DNAJA2: variants seen among roughly 807,000 people sequenced by gnomAD.
DNAJA2 encodes DnaJ heat shock protein family (Hsp40) member A2, also known as dnaJ homolog subfamily A member 2.
A neutral mutation model predicts 49.3 loss-of-function variants in DNAJA2; 6 were observed. The ratio of observed to expected loss-of-function variants is 0.12; its 90% CI spans 0.07 to 0.24. The LOEUF (loss-of-function observed/expected upper bound fraction) is 0.24. DNAJA2 is among the 10% of genes least tolerant of loss of function. The pLI is 1.00. For missense variants in DNAJA2, 347 were observed against 516.8 expected, an observed-to-expected ratio of 0.67 and a Z score of 3.19; for synonymous variants, 160 against 172.7, an observed-to-expected ratio of 0.93 and a Z score of 0.58.
intron 5 of DNAJA2, among the ~76,000 whole-genome samples, chr16:46,965,166 T>C (rs1961951408): frequency 6.6e-6 from 1 of 152,084 alleles, no homozygotes; most frequent in South Asian, 2.1e-4. Context: ...GTTATAATCA[T>C]GCCACTGCAC....
Position 46,959,271 on chromosome 16 carries a change from T to C in DNAJA2, c.919+4A>G. The C allele has an allele frequency of 6.2e-7, 1 of 1,607,952 alleles. No individual in the cohort carries two copies. Among genetic ancestry groups the C allele is most frequent in the South Asian group, 1.1e-5 (1 of 89,796 alleles). On this transcript the variant is annotated splice_donor_region_variant and intron_variant, in intron 7 of 8. Transcript: ENST00000317089. ...AACCAGAATCGGACAAAATCAAGAT[T>C]TACCTGGTTCAATTACTTTGCCAGG... is the stretch of plus-strand genomic sequence containing the variant.
chr16:46,960,826 A>G (rs1961886391), intron 6 of DNAJA2, among the ~76,000 whole-genome samples: 1 of 151,744 alleles, frequency 6.6e-6, no homozygotes, highest in Non-Finnish European at 1.5e-5. Context: ...ATAGGGTCAG[A>G]GCTTTGGGAG....
In DNAJA2 at chr16:46,967,566, G is replaced by A; in HGVS notation, c.524C>T (p.Ala175Val). 1 of 1,614,142 alleles carries A rather than the reference G, an allele frequency of 6.2e-7. No homozygotes were observed. Among genetic ancestry groups the A allele is most frequent in the East Asian group, 2.2e-5 (1 of 44,878 alleles). ...CTGCATCTGTTGTACCATCCCTGGA[G>A]CCAGCTGTCTGATCATGATGCGCAC... ...RGVRIMIRQL[A>V]PGMVQQMQSV... Residue 175 changes from alanine to valine, a missense_variant, in exon 5 of 9, where the codon GCT becomes GTT. Coordinates refer to ENST00000317089, the MANE Select transcript of DNAJA2 (RefSeq NM_005880.4).
Position 46,967,659 on chromosome 16 carries a change from C to G in DNAJA2, c.444-13G>C. Reference sequence around the variant, plus strand: ...CTTTCCGCCTTGGCTAAAGCAAGCACAAGTTATGCATTAGGTTTTTGTCCA... The same window carrying G: ...CTTTCCGCCTTGGCTAAAGCAAGCAGAAGTTATGCATTAGGTTTTTGTCCA... On this transcript the variant is annotated splice_polypyrimidine_tract_variant and intron_variant, in intron 4 of 8. Transcript: ENST00000317089. The G allele has an allele frequency of 1.2e-6, 2 of 1,614,120 alleles. No individual in the cohort carries two copies. Among genetic ancestry groups the G allele is most frequent in the Non-Finnish European group, 1.7e-6 (2 of 1,180,002 alleles).
At chr16:46,971,860 A>T (rs773103795) in intron 2 of DNAJA2, 36 bp downstream of exon 2, 13 of 1,572,522 alleles carry the variant, frequency 8.3e-6, no homozygotes, top group Non-Finnish European at 9.6e-6. Flanking sequence ...AGTTAAAGCT[A>T]AAACCCCCGG....
rs1192282750 is a variant in DNAJA2 at position 46,956,166 on chromosome 16, T to C, written c.*863A>G. On this transcript the variant is annotated 3_prime_UTR_variant, in exon 9 of 9. Coordinates refer to ENST00000317089, the MANE Select transcript of DNAJA2 (RefSeq NM_005880.4). ...ACAGAAGTCAGGCTAGCCCAGTGCTTGGGAGTTACAGCACTCAAGACACCC... is the reference window on the plus strand; with the variant it reads ...ACAGAAGTCAGGCTAGCCCAGTGCTCGGGAGTTACAGCACTCAAGACACCC... The C allele has an allele frequency of 1.3e-5, 2 of 152,062 alleles. No individual in the cohort carries two copies. The highest frequency in any genetic ancestry group is 2.1e-4 in the South Asian group (1 of 4,828). The allele number at this position is 152,062 out of a possible 1,614,324, so 9.4% of individuals were successfully genotyped here. A position where few individuals can be genotyped will look rare whatever the true frequency, so the allele number is the denominator to read the frequency against.
chr16:46,968,040 A>G (rs758379308), intron 4 of DNAJA2, 44 bp downstream of exon 4: 1 of 1,497,930 alleles, frequency 6.7e-7, no homozygotes, highest in Admixed American at 2.2e-5. Context: ...TGATACTTAA[A>G]AGAACAGACA....
intron 5 of DNAJA2, among the ~76,000 whole-genome samples, chr16:46,965,324 T>C (rs1961953474): frequency 6.6e-6 from 1 of 152,292 alleles, no homozygotes; most frequent in East Asian, 1.9e-4. Flanking sequence ...ATCCATACCA[T>C]GTTTAGGGCA....
At position 46,956,465 on chromosome 16, in the gene DNAJA2, A is replaced by G. The variant is rs1160421885; in HGVS notation, c.*564T>C. On this transcript the variant is annotated 3_prime_UTR_variant, in exon 9 of 9. Coordinates refer to ENST00000317089, the MANE Select transcript of DNAJA2 (RefSeq NM_005880.4). ...AAAAAAAAAAAAAGAAAAAAGAAAA[A>G]AAAAACAAAACCAAAAACAAAAAAA... The G allele has an allele frequency of 1.3e-5, 2 of 152,370 alleles. No homozygotes were observed. The highest frequency in any genetic ancestry group is 2.9e-5 in the Non-Finnish European group (2 of 67,978). The allele number at this position is 152,370 out of a possible 1,614,324, so 9.4% of individuals were successfully genotyped here.
At position 46,969,939 on chromosome 16, in the gene DNAJA2, T is replaced by A. The variant is rs537295123; in HGVS notation, c.362+1410A>T. Among the ~76,000 whole-genome samples, 178 of 152,310 alleles carry A rather than the reference T, an allele frequency of 1.2e-3. 2 individuals are homozygous for A. Among genetic ancestry groups the A allele is most frequent in the African/African-American group, 4.1e-3 (170 of 41,574 alleles). On this transcript the variant is annotated intron_variant, in intron 3 of 8. Coordinates refer to ENST00000317089, the MANE Select transcript of DNAJA2 (RefSeq NM_005880.4). ...AAAGAAAAATATAAACGAATTAACC[T>A]GCACTGCACAAATATTACCATTGGA...
chr16:46,957,227 T>A lies in DNAJA2; in HGVS notation c.1048-7A>T. On this transcript the variant is annotated splice_region_variant and splice_polypyrimidine_tract_variant and intron_variant, in intron 8 of 8. Transcript: ENST00000317089. ...GCAGAAGATCTTCTAGTTCCTTTAT[T>A]AAAACAAACAAAAACCAGGTTGGTT... 6.4e-7 allele frequency: 1 copy of A among 1,571,202 alleles called. No individual in the cohort carries two copies. Among genetic ancestry groups the A allele is most frequent in the Admixed American group, 2.0e-5 (1 of 49,752 alleles).
chr16:46,973,353 C>T, intron 1 of DNAJA2, 142 bp downstream of exon 1: 6 of 662,238 alleles, frequency 9.1e-6, no homozygotes, highest in Non-Finnish European at 1.0e-5. Context: ...CCGGTCCCGC[C>T]GCCGCCGCCG....
intron 6 of DNAJA2, 139 bp downstream of exon 6, chr16:46,964,472 G>A (rs12925077): frequency 0.05 from 37,101 of 745,126 alleles, 1,081 homozygotes; most frequent in Middle Eastern, 0.058. Context: ...GCCCGTCTTA[G>A]GAACTCACCA....
intron 3 of DNAJA2, among the ~76,000 whole-genome samples, chr16:46,969,138 C>T (rs917026533): frequency 6.6e-6 from 1 of 152,116 alleles, no homozygotes; most frequent in African/African-American, 2.4e-5. Context: ...TAATGGTCAT[C>T]CCGTAATGAT....
chr16:46,973,608 C>A lies in DNAJA2; in HGVS notation c.-36G>T. On this transcript the variant is annotated 5_prime_UTR_variant, in exon 1 of 9. Transcript: ENST00000317089. ...CGGGCAGTGCTCGGGGAGAAGGTGGCGAAGCAGACAGAGCGGAGTCGGGCC... is the reference window on the plus strand; with the variant it reads ...CGGGCAGTGCTCGGGGAGAAGGTGGAGAAGCAGACAGAGCGGAGTCGGGCC... The A allele has an allele frequency of 6.3e-7, 1 of 1,582,806 alleles. No individual in the cohort carries two copies. The highest frequency in any genetic ancestry group is 8.5e-7 in the Non-Finnish European group (1 of 1,171,182).
In DNAJA2 at chr16:46,973,655, C is replaced by G. The variant is rs1030066614; in HGVS notation, c.-83G>C. 1.4e-6 allele frequency: 2 copies of G among 1,457,730 alleles called. No individual in the cohort carries two copies. Among genetic ancestry groups the G allele is most frequent in the Non-Finnish European group, 1.9e-6 (2 of 1,075,204 alleles). The allele number at this position is 1,457,730 out of a possible 1,614,324, so 90.3% of individuals were successfully genotyped here. ...GGCCCACAAGCGGCGTCGGCGGCGG[C>G]ACAGGCCGAGGGAGACAGCGAGGGG... On this transcript the variant is annotated 5_prime_UTR_variant, in exon 1 of 9. Transcript: ENST00000317089.
In DNAJA2 at chr16:46,964,757, C is replaced by A; in HGVS notation, c.628G>T (p.Val210Leu). Reference sequence around the variant, plus strand: ...TCAAGAATCTTGACTTCTTTAATCACCTTCTTCCCTTCACATTTTTTACAG... The same window carrying A: ...TCAAGAATCTTGACTTCTTTAATCAACTTCTTCCCTTCACATTTTTTACAG... The part of the protein sequence containing the change: ...DRCKKCEGKK[V>L]IKEVKILEVH... The change falls in exon 6 of 9, where the codon GTG (valine) becomes TTG (leucine). Residue 210 changes from valine (V) to leucine (L), a missense_variant. Coordinates refer to ENST00000317089, the MANE Select transcript of DNAJA2 (RefSeq NM_005880.4). The A allele has an allele frequency of 1.2e-6, 2 of 1,613,958 alleles. No individual in the cohort carries two copies. The highest frequency in any genetic ancestry group is 8.5e-7 in the Non-Finnish European group (1 of 1,179,976).
intron 8 of DNAJA2, 148 bp from the exon 9 acceptor site, chr16:46,957,368 G>T: frequency 1.4e-6 from 1 of 715,414 alleles, no homozygotes; most frequent in Non-Finnish European, 2.3e-6. Flanking sequence ...ACTTTGGAAG[G>T]CTGAGGCGGG....
intron 5 of DNAJA2, 62 bp downstream of exon 5, chr16:46,967,451 C>T: frequency 6.2e-7 from 1 of 1,602,334 alleles, no homozygotes; most frequent in South Asian, 1.1e-5. Context: ...TTGTAAACCT[C>T]TCCAATATCT....
Sources: gnomAD v4.1 joint callset for allele counts (sites outside exome capture counted in the v4.1 genomes callset) on GRCh38, gnomAD v4.1.1 for gene constraint, MANE v1.5 for transcripts, NCBI Gene and HGNC (gene_info 2026-07-23, HGNC 2026-07-21) for gene names.